FAM83B: variants seen among roughly 807,000 people sequenced by gnomAD.
The protein encoded by FAM83B is scaffolding CK1 anchoring protein B, also known as protein FAM83B.
In FAM83B, 26 loss-of-function variants were observed where a neutral mutation model predicts 38.8. The ratio of observed to expected loss-of-function variants is 0.67; its 90% CI spans 0.49 to 0.93. The LOEUF is 0.93. Ranked by LOEUF, FAM83B falls within the 40% of genes least tolerant of loss-of-function variation. FAM83B has a pLI of 0.00. For synonymous variants in FAM83B, 419 were observed against 423.1 expected (o/e 0.99, Z 0.12); for missense variants, 1,237 against 1,197.3 (o/e 1.03, Z -0.49).
intron 2 of FAM83B, among the ~76,000 whole-genome samples, chr6:54,925,962 A>G (rs1330733080): frequency 2.0e-5 from 3 of 151,976 alleles, no homozygotes; most frequent in Admixed American, 6.6e-5. Context: ...CAGTTCCCCA[A>G]GACTTTTATT....
chr6:54,866,883 A>G lies in FAM83B; in HGVS notation c.-60-3304A>G, dbSNP rs1008030825. 3.3e-5 allele frequency among the ~76,000 whole-genome samples: 5 copies of G among 152,238 alleles called. No homozygotes were observed. In the South Asian group the frequency reaches 8.3e-4, roughly 25 times the overall value. On this transcript the variant is annotated intron_variant, in intron 1 of 4. Transcript: ENST00000306858. ...AGCCCATGAATTGAAAGCAATTTTT[A>G]TGACTTATTTTATATCCTTTGTATT... is the stretch of plus-strand genomic sequence containing the variant.
chr6:54,915,035 C>G (rs1034600305), intron 2 of FAM83B, among the ~76,000 whole-genome samples: 4 of 152,126 alleles, frequency 2.6e-5, no homozygotes, highest in Admixed American at 2.6e-4. Context: ...CTTCTATCAT[C>G]AAGCAAATCA....
chr6:54,879,591 C>T (rs564480233), intron 2 of FAM83B, among the ~76,000 whole-genome samples: 1 of 151,810 alleles, frequency 6.6e-6, no homozygotes, highest in East Asian at 1.9e-4. Context: ...TTTCAGACAG[C>T]GGGGGAGCGT....
chr6:54,939,667 T>A, intron 4 of FAM83B, 39 bp from the exon 5 acceptor site: 1 of 1,509,166 alleles, frequency 6.6e-7, no homozygotes, highest in Non-Finnish European at 8.9e-7. Context: ...TTATTATCAA[T>A]CTTTTAAATG....
intron 1 of FAM83B, among the ~76,000 whole-genome samples, chr6:54,859,084 G>A (rs762187969): frequency 1.4e-5 from 2 of 146,736 alleles, no homozygotes; most frequent in Admixed American, 6.8e-5. Context: ...GCACTGAGAC[G>A]GAGTCTCACT....
intron 2 of FAM83B, among the ~76,000 whole-genome samples, chr6:54,886,387 ATTAAG>A (rs1200613013): frequency 6.6e-6 from 1 of 152,094 alleles, no homozygotes; most frequent in Non-Finnish European, 1.5e-5. Context: ...AGATTTGCCA[ATTAAG>A]TTATTTGTGC....
intron 2 of FAM83B, among the ~76,000 whole-genome samples, chr6:54,876,705 C>A (rs1288319863): frequency 6.6e-6 from 1 of 151,606 alleles, no homozygotes; most frequent in Non-Finnish European, 1.5e-5. Flanking sequence ...TTTTTAAATT[C>A]TCTCTCTCTC....
chr6:54,889,312 T>C (rs1353931584), intron 2 of FAM83B, among the ~76,000 whole-genome samples: 1 of 152,114 alleles, frequency 6.6e-6, no homozygotes, highest in African/African-American at 2.4e-5. Context: ...ATTTTGTTTT[T>C]TCTTCCCATG....
chr6:54,879,599 C>T (rs56804573), intron 2 of FAM83B, among the ~76,000 whole-genome samples: 14,734 of 151,500 alleles, frequency 0.097, 803 homozygotes, highest in South Asian at 0.16. Flanking sequence ...AGCGGGGGAG[C>T]GTGAGAGAAG....
intron 2 of FAM83B, among the ~76,000 whole-genome samples, chr6:54,892,275 T>C (rs1448493924): frequency 6.6e-6 from 1 of 152,156 alleles, no homozygotes; most frequent in East Asian, 1.9e-4. Flanking sequence ...CTTTTTTTTT[T>C]TTAACTTTCA....
At chr6:54,874,665 T>C (rs1480075495) in intron 2 of FAM83B, among the ~76,000 whole-genome samples, 1 of 152,188 alleles carries the variant, frequency 6.6e-6, no homozygotes, top group African/African-American at 2.4e-5. Context: ...AGTTATAACT[T>C]CTGAGAGTCT....
At chr6:54,918,784 T>C (rs1000114071) in intron 2 of FAM83B, among the ~76,000 whole-genome samples, 5 of 152,120 alleles carry the variant, frequency 3.3e-5, no homozygotes, top group Admixed American at 2.6e-4. Flanking sequence ...TTGCAGAAAG[T>C]TGGGGGCATT....
chr6:54,912,001 T>G (rs1772921313), intron 2 of FAM83B, among the ~76,000 whole-genome samples: 1 of 152,022 alleles, frequency 6.6e-6, no homozygotes, highest in South Asian at 2.1e-4. Context: ...AAGATAATTT[T>G]TATACCTTTT....
chr6:54,926,611 G>A (rs1022458243), intron 3 of FAM83B, 76 bp downstream of exon 3: 4 of 1,171,376 alleles, frequency 3.4e-6, no homozygotes, highest in African/African-American at 1.5e-5. Flanking sequence ...GGCATCTTAA[G>A]GTAGATGAAT....
At chr6:54,933,184 G>A (rs1162595940) in intron 4 of FAM83B, among the ~76,000 whole-genome samples, 2 of 148,588 alleles carry the variant, frequency 1.3e-5, no homozygotes. Context: ...TTATATCCAT[G>A]ACCTGTCTTC....
At chr6:54,875,850 C>T (rs1314288991) in intron 2 of FAM83B, among the ~76,000 whole-genome samples, 3 of 152,154 alleles carry the variant, frequency 2.0e-5, no homozygotes, top group African/African-American at 7.2e-5. Flanking sequence ...CCAACAATTG[C>T]TGTGTCTGTA....
At chr6:54,897,789 A>G (rs1772573152) in intron 2 of FAM83B, among the ~76,000 whole-genome samples, 1 of 152,206 alleles carries the variant, frequency 6.6e-6, no homozygotes, top group African/African-American at 2.4e-5. Context: ...GCATATAGGG[A>G]TTAGATAAGC....
Position 54,941,636 on chromosome 6 carries a change from T to G in FAM83B, c.2665T>G (p.Phe889Val). 1.9e-6 allele frequency: 3 copies of G among 1,614,104 alleles called. No individual in the cohort carries two copies. The highest frequency in any genetic ancestry group is 2.5e-6 in the Non-Finnish European group (3 of 1,180,018). ...ERAGDASAPR[F>V]NTEQIQYRDS... is the part of the protein sequence containing the mutation. ...GGCAGGAGATGCCTCTGCCCCAAGA[T>G]TTAACACTGAACAGATCCAATACCG... Residue 889 changes from phenylalanine (F) to valine (V), a missense_variant, in exon 5 of 5, where the codon TTT becomes GTT. Phe to Val is a conservative substitution (Grantham distance 50). Coordinates refer to ENST00000306858, the MANE Select transcript of FAM83B (RefSeq NM_001010872.3).
chr6:54,914,140 A>G (rs1015997010), intron 2 of FAM83B, among the ~76,000 whole-genome samples: 1 of 151,930 alleles, frequency 6.6e-6, no homozygotes, highest in Non-Finnish European at 1.5e-5. Flanking sequence ...TTTTTGGTAA[A>G]TAGTGGTGGG....
Sources: allele counts gnomAD v4.1 joint callset (sites outside exome capture counted in the v4.1 genomes callset), GRCh38; gene constraint gnomAD v4.1.1; transcripts MANE v1.5; gene names NCBI Gene and HGNC (gene_info 2026-07-23, HGNC 2026-07-21).